Variants in INPP5D observed in about 807,000 individuals in gnomAD.
INPP5D encodes phosphatidylinositol 3,4,5-trisphosphate 5-phosphatase 1.
In INPP5D, 33 loss-of-function variants were observed where a neutral mutation model predicts 122.9. That is an observed-to-expected ratio of 0.27 (90% CI 0.20 to 0.36). The LOEUF is 0.36. Among genes scored for constraint, INPP5D ranks in the 10% least tolerant of loss-of-function variants. The pLI is 1.00. For synonymous variants in INPP5D, 584 were observed against 576.2 expected (o/e 1.01, Z -0.19); for missense variants, 1,053 against 1,412.7 (o/e 0.75, Z 4.08).
intron 9 of INPP5D, among the ~76,000 whole-genome samples, chr2:233,156,082 G>A (rs996942826): frequency 6.6e-6 from 1 of 152,248 alleles, no homozygotes; most frequent in Non-Finnish European, 1.5e-5. Flanking sequence ...AAGAAACCAG[G>A]CACGAGCTTC....
intron 2 of INPP5D, among the ~76,000 whole-genome samples, chr2:233,095,401 C>T (rs779738722): frequency 8.5e-5 from 13 of 152,140 alleles, no homozygotes; most frequent in Non-Finnish European, 1.5e-4. Flanking sequence ...GGGTGGATCA[C>T]CTGAGCTCAG....
At position 233,178,459 on chromosome 2, in the gene INPP5D, ATTATTTATTTAT is replaced by A. The variant is rs58617952; in HGVS notation, c.2071+1143_2071+1154del. Among the ~76,000 whole-genome samples, 79 of 145,412 alleles carry A rather than the reference ATTATTTATTTAT, an allele frequency of 5.4e-4. No individual in the cohort carries two copies. The East Asian group carries it at 6.7e-3, about 12-fold the overall frequency. ...CACTGACTGAGAATTGTGGTATTTT[ATTATTTATTTAT>A]TTATTTATTTATTTATTTATTTATT... is the stretch of plus-strand genomic sequence containing the variant. On this transcript the variant is annotated intron_variant, in intron 18 of 26. Coordinates refer to ENST00000445964, the MANE Select transcript of INPP5D (RefSeq NM_001017915.3).
At position 233,158,333 on chromosome 2, in the gene INPP5D, C is replaced by T; in HGVS notation, c.1051C>T (p.Gln351Ter). 1.4e-6 allele frequency: 1 copy of T among 703,086 alleles called. No homozygotes were observed. The highest frequency in any genetic ancestry group is 2.6e-6 in the Non-Finnish European group (1 of 384,608). The allele number at this position is 703,086 out of a possible 1,614,324, so 43.6% of individuals were successfully genotyped here. ...HKKILQLIKS[Q>*]KFLNKLVILV... is the part of the protein sequence containing the mutation. ...TTAAGTCCTGCAGCTCATTAAGTCA[C>T]AGAAATTTCTGAATAAGTTGGTGAT... is the stretch of plus-strand genomic sequence containing the variant. Residue 351 changes from glutamine (Q) to a stop codon, truncating the protein, a stop_gained, in exon 10 of 27, where the codon CAG (glutamine) becomes TAG (stop). Coordinates refer to ENST00000445964, the MANE Select transcript of INPP5D (RefSeq NM_001017915.3). LOFTEE classifies it high-confidence loss of function.
intron 9 of INPP5D, among the ~76,000 whole-genome samples, chr2:233,155,061 C>T (rs746695603): frequency 6.6e-6 from 1 of 150,990 alleles, no homozygotes; most frequent in African/African-American, 2.4e-5. Flanking sequence ...AAGAAATGGG[C>T]CTGTGGAATA....
intron 1 of INPP5D, among the ~76,000 whole-genome samples, chr2:233,071,633 A>G (rs1574702399): frequency 6.6e-6 from 1 of 152,214 alleles, no homozygotes; most frequent in Non-Finnish European, 1.5e-5. Flanking sequence ...GCTGGTATAA[A>G]TTGACATTTT....
intron 2 of INPP5D, among the ~76,000 whole-genome samples, chr2:233,099,396 A>C (rs1692240514): frequency 6.6e-6 from 1 of 152,178 alleles, no homozygotes; most frequent in South Asian, 2.1e-4. Context: ...CCCACATTGG[A>C]AGGCCTGCCT....
chr2:233,124,557 C>G (rs747440092), intron 3 of INPP5D, among the ~76,000 whole-genome samples: 5 of 152,234 alleles, frequency 3.3e-5, no homozygotes, highest in Non-Finnish European at 7.3e-5. Flanking sequence ...TAGGGCTGAC[C>G]TGTCCCATTG....
intron 2 of INPP5D, among the ~76,000 whole-genome samples, chr2:233,081,929 A>G (rs1286888424): frequency 6.6e-6 from 1 of 152,136 alleles, no homozygotes; most frequent in African/African-American, 2.4e-5. Context: ...CAGTCTGTGT[A>G]TGAATCGGCT....
chr2:233,170,990 CAGA>C lies in INPP5D; in HGVS notation c.1901-69_1901-67del. 6.4e-7 allele frequency: 1 copy of C among 1,574,214 alleles called. No homozygotes were observed. On this transcript the variant is annotated intron_variant, in intron 16 of 26. Transcript: ENST00000445964. This position sits in a 1 kb window ranked among gnomAD's most constrained non-coding sequence, Gnocchi z 4.5. ...CGTCCCCTTTCCCCTGATTTCCTAC[CAGA>C]AGAATAGGGAAAATTGGCCAGATGC... is the stretch of plus-strand genomic sequence containing the variant.
intron 6 of INPP5D, chr2:233,140,768 T>C (rs1693616065): frequency 6.6e-6 from 1 of 152,238 alleles, no homozygotes; most frequent in South Asian, 2.1e-4. Context: ...TTCAAACTTC[T>C]GGCCATCTTC....
Position 233,184,506 on chromosome 2 carries a change from T to G in INPP5D, c.2260T>G (p.Ser754Ala). 6.2e-7 allele frequency: 1 copy of G among 1,614,002 alleles called. No individual in the cohort carries two copies. Among genetic ancestry groups the G allele is most frequent in the Non-Finnish European group, 8.5e-7 (1 of 1,179,898 alleles). The change falls in exon 20 of 27, where the codon TCG (serine) becomes GCG (alanine). Residue 754 changes from serine (S) to alanine (A), a missense_variant. Physicochemically the swap from Ser to Ala is moderately conservative, Grantham distance 99. Around this residue, in one of 6 missense-constraint regions of INPP5D, gnomAD observed 258 missense variants for 439.1 expected, o/e 0.59. Coordinates refer to ENST00000445964, the MANE Select transcript of INPP5D (RefSeq NM_001017915.3). ...SQTKFYLEFH[S>A]SCLESFVKSQ... ...GACCAAATTCTACCTGGAGTTCCAC[T>G]CGAGCTGCTTGGAGAGTAAGTGGCT... is the stretch of plus-strand genomic sequence containing the variant.
chr2:233,187,599 C>T (rs1694954945), intron 21 of INPP5D, among the ~76,000 whole-genome samples: 1 of 152,230 alleles, frequency 6.6e-6, no homozygotes, highest in Non-Finnish European at 1.5e-5. Flanking sequence ...ATCTCCGGAG[C>T]AGAGGCTGAT....
intron 5 of INPP5D, among the ~76,000 whole-genome samples, chr2:233,135,265 T>C (rs1328006021): frequency 6.6e-6 from 1 of 151,910 alleles, no homozygotes; most frequent in Non-Finnish European, 1.5e-5. Context: ...AGTGGGATCA[T>C]AGCTTATCCA....
Position 233,177,183 on chromosome 2 carries a change from G to T in INPP5D, c.1990-82G>T. 1 of 1,563,234 alleles carries T rather than the reference G, an allele frequency of 6.4e-7. No individual in the cohort carries two copies. On this transcript the variant is annotated intron_variant, in intron 17 of 26. Coordinates refer to ENST00000445964, the MANE Select transcript of INPP5D (RefSeq NM_001017915.3). This position sits in a 1 kb window ranked among gnomAD's most constrained non-coding sequence, Gnocchi z 4.2. ...GCCGATGAATTTGAGGATTACAGAG[G>T]CCACCAGTTAATCTGTTCTTTTACT...
chr2:233,092,575 A>G lies in INPP5D; in HGVS notation c.198+13177A>G, dbSNP rs115835052. On this transcript the variant is annotated intron_variant, in intron 2 of 26. Coordinates refer to ENST00000445964, the MANE Select transcript of INPP5D (RefSeq NM_001017915.3). ...AAAAGATGTGTGGTTAAATTCTCGA[A>G]GGGGAGGAGTTTAAATGGAGCTGCA... 3.0e-3 allele frequency among the ~76,000 whole-genome samples: 452 copies of G among 152,266 alleles called. 1 individual carries two copies. The highest frequency in any genetic ancestry group is 0.01 in the African/African-American group (426 of 41,540).
At chr2:233,130,842 C>G in intron 5 of INPP5D, 194 bp downstream of exon 5, 1 of 731,292 alleles carries the variant, frequency 1.4e-6, no homozygotes, top group Non-Finnish European at 2.4e-6. Flanking sequence ...TGAACAGTAG[C>G]TTGTGTGTGC....
chr2:233,112,671 A>G (rs188603447), intron 2 of INPP5D, among the ~76,000 whole-genome samples: 7 of 152,186 alleles, frequency 4.6e-5, no homozygotes, highest in Non-Finnish European at 8.8e-5. Context: ...GTATTTATCT[A>G]TATATCTTTT....
intron 1 of INPP5D, among the ~76,000 whole-genome samples, chr2:233,075,606 T>G (rs975091845): frequency 4.1e-4 from 63 of 152,140 alleles, no homozygotes; most frequent in Non-Finnish European, 6.2e-4. Flanking sequence ...TATATGTGTG[T>G]GTGTGTGTGT....
chr2:233,131,574 C>T (rs1304096743), intron 5 of INPP5D, among the ~76,000 whole-genome samples: 1 of 151,928 alleles, frequency 6.6e-6, no homozygotes, highest in African/African-American at 2.4e-5. Context: ...GTGGCACACA[C>T]CTGTGATCCC....
Sources: gnomAD v4.1 joint callset for allele counts (sites outside exome capture counted in the v4.1 genomes callset) on GRCh38, gnomAD v4.1.1 for gene constraint, gnomAD v4.1.1 regional missense constraint, Gnocchi (gnomAD v3.1) non-coding constraint, MANE v1.5 for transcripts, NCBI Gene and HGNC (gene_info 2026-07-23, HGNC 2026-07-21) for gene names.